The following FLT1 variants were observed in gnomAD, a reference collection of about 807,000 sequenced individuals.
The protein encoded by FLT1 is fms related receptor tyrosine kinase 1.
In FLT1, 49 loss-of-function variants were observed where a neutral mutation model predicts 156.3. The ratio of observed to expected loss-of-function variants is 0.31; its 90% CI spans 0.25 to 0.40. The LOEUF (loss-of-function observed/expected upper bound fraction) is 0.40. Among genes scored for constraint, FLT1 ranks in the 10% least tolerant of loss-of-function variants. The pLI is 1.00. For synonymous variants in FLT1, 594 were observed against 583.8 expected, an observed-to-expected ratio of 1.02 and a Z score of -0.25; for missense variants, 1,322 against 1,637.2, an observed-to-expected ratio of 0.81 and a Z score of 3.32.
Position 28,385,789 on chromosome 13 carries a change from A to G in FLT1, c.1970-758T>C, listed in dbSNP as rs1440438795. On this transcript the variant is annotated intron_variant, in intron 13 of 29. Coordinates refer to ENST00000282397, the MANE Select transcript of FLT1 (RefSeq NM_002019.4). ...AACAAAATGAATTCAATACATTAAG[A>G]TGCAATACATTACAACATTAAAATC... 4.8e-6 allele frequency: 5 copies of G among 1,035,482 alleles called. No homozygotes were observed. The African/African-American group carries it at 8.4e-5, about 17-fold the overall frequency. The allele number at this position is 1,035,482 out of a possible 1,614,324, so 64.1% of individuals were successfully genotyped here. A position where few individuals can be genotyped will look rare whatever the true frequency, so the allele number is the denominator to read the frequency against.
chr13:28,325,077 A>T (rs1871619656), intron 20 of FLT1, among the ~76,000 whole-genome samples: 1 of 152,184 alleles, frequency 6.6e-6, no homozygotes, highest in East Asian at 1.9e-4. Flanking sequence ...AATATGAAAG[A>T]CAGCCATGGA....
chr13:28,348,815 A>T (rs1251350600), intron 15 of FLT1, among the ~76,000 whole-genome samples: 1 of 152,012 alleles, frequency 6.6e-6, no homozygotes, highest in Non-Finnish European at 1.5e-5. Context: ...AGGCTGAGGC[A>T]GGGGAATTGC....
At chr13:28,476,706 C>T (rs655024) in intron 1 of FLT1, among the ~76,000 whole-genome samples, 83,708 of 152,038 alleles carry the variant, frequency 0.55, 25,221 homozygotes, top group African/African-American at 0.81. Flanking sequence ...AAAATAGTCA[C>T]GTATATAGCA....
At chr13:28,435,060 T>G (rs1482379807) in intron 4 of FLT1, among the ~76,000 whole-genome samples, 3 of 152,192 alleles carry the variant, frequency 2.0e-5, no homozygotes, top group Non-Finnish European at 4.4e-5. Context: ...TCCTCCAAGA[T>G]TCATAACATT....
intron 20 of FLT1, among the ~76,000 whole-genome samples, chr13:28,327,087 A>G (rs921776033): frequency 1.3e-5 from 2 of 152,272 alleles, no homozygotes; most frequent in African/African-American, 2.4e-5. Context: ...AATGGAGACA[A>G]TTATATTAAC....
At chr13:28,433,681 CA>C in intron 6 of FLT1, 137 bp downstream of exon 6, 1 of 824,974 alleles carries the variant, frequency 1.2e-6, no homozygotes, top group Non-Finnish European at 2.1e-6. Flanking sequence ...GCACTCAAAC[CA>C]AACCCAAAGC....
intron 17 of FLT1, among the ~76,000 whole-genome samples, chr13:28,336,197 G>C (rs939704831): frequency 2.6e-5 from 4 of 152,146 alleles, no homozygotes; most frequent in African/African-American, 9.7e-5. Flanking sequence ...CAAGTGTTTG[G>C]GACTTTGCTT....
At chr13:28,475,150 A>G (rs1880470816) in intron 1 of FLT1, among the ~76,000 whole-genome samples, 1 of 152,188 alleles carries the variant, frequency 6.6e-6, no homozygotes, top group Admixed American at 6.5e-5. Context: ...AATCTTTTCA[A>G]TTTAATTTAG....
chr13:28,361,409 C>T (rs1873110034), intron 14 of FLT1, among the ~76,000 whole-genome samples: 1 of 151,994 alleles, frequency 6.6e-6, no homozygotes, highest in Non-Finnish European at 1.5e-5. Context: ...ATTTATATAA[C>T]AAATATTTTT....
chr13:28,317,619 A>G, intron 24 of FLT1, 22 bp from the exon 25 acceptor site: 1 of 1,499,076 alleles, frequency 6.7e-7, no homozygotes, highest in Non-Finnish European at 9.3e-7. Context: ...AATGTGGAAA[A>G]CACAGGGCCT....
chr13:28,319,631 C>CT (rs1287355850), intron 23 of FLT1, 97 bp from the exon 24 acceptor site: 1 of 732,000 alleles, frequency 1.4e-6, no homozygotes, highest in East Asian at 2.6e-5. Context: ...AACATACGGC[C>CT]TATAAATCAT....
At chr13:28,448,024 A>G in intron 3 of FLT1, among the ~76,000 whole-genome samples, 1 of 152,202 alleles carries the variant, frequency 6.6e-6, no homozygotes, top group Non-Finnish European at 1.5e-5. Flanking sequence ...TAACATCATA[A>G]GCCATCATGG....
intron 1 of FLT1, among the ~76,000 whole-genome samples, chr13:28,481,207 A>T (rs1593843755): frequency 6.6e-6 from 1 of 152,288 alleles, no homozygotes; most frequent in East Asian, 1.9e-4. Flanking sequence ...AGGAAGGCTC[A>T]TCTCAAGGAA....
Position 28,387,116 on chromosome 13 carries a change from CAA to C in FLT1, c.1970-2087_1970-2086del, listed in dbSNP as rs1874411131. 4 of 1,036,048 alleles carry C rather than the reference CAA, an allele frequency of 3.9e-6. No homozygotes were observed. The South Asian group carries it at 1.8e-4, about 48-fold the overall frequency. The allele number at this position is 1,036,048 out of a possible 1,614,324, so 64.2% of individuals were successfully genotyped here. ...TTAACATAAATGTCATTAAGAATCCCAAAGGCCTTATTTGTACTACACAAACT... is the reference window on the plus strand; with the variant it reads ...TTAACATAAATGTCATTAAGAATCCCAGGCCTTATTTGTACTACACAAACT... On this transcript the variant is annotated intron_variant, in intron 13 of 29. Coordinates refer to ENST00000282397, the MANE Select transcript of FLT1 (RefSeq NM_002019.4).
chr13:28,404,726 T>C (rs972186627), intron 11 of FLT1, among the ~76,000 whole-genome samples: 2 of 152,098 alleles, frequency 1.3e-5, no homozygotes, highest in African/African-American at 4.8e-5. Flanking sequence ...TTTTTCTTTT[T>C]AAAAGAATCA....
chr13:28,312,014 C>G lies in FLT1; in HGVS notation c.3471G>C (p.Leu1157Phe), dbSNP rs573870646. The G allele has an allele frequency of 2.5e-6, 4 of 1,612,634 alleles. No individual in the cohort carries two copies. The highest frequency in any genetic ancestry group is 3.4e-6 in the Non-Finnish European group (4 of 1,179,180). The change falls in exon 26 of 30, where the codon TTG (leucine) becomes TTC (phenylalanine). Residue 1157 changes from leucine (L) to phenylalanine (F), a missense_variant. Leu to Phe is a conservative substitution (Grantham distance 22). Coordinates refer to ENST00000282397, the MANE Select transcript of FLT1 (RefSeq NM_002019.4). Reference protein sequence around the residue: ...FAELVEKLGDLLQANVQQDGK... With the variant: ...FAELVEKLGDFLQANVQQDGK... ...TTACCTGTTGTACATTTGCTTGAAG[C>G]AAATCACCTAGTTTTTCCACAAGTT...
chr13:28,395,834 T>C (rs1243865088), intron 12 of FLT1, among the ~76,000 whole-genome samples: 2 of 152,246 alleles, frequency 1.3e-5, no homozygotes, highest in Non-Finnish European at 2.9e-5. Context: ...AGTTGAACTG[T>C]ACCATTTAAC....
chr13:28,323,884 C>T (rs886423673), intron 20 of FLT1, among the ~76,000 whole-genome samples: 5 of 152,198 alleles, frequency 3.3e-5, no homozygotes, highest in Admixed American at 6.5e-5. Context: ...ATGGACATTG[C>T]TTTTTTTCTC....
At chr13:28,387,741 TTCATACCCCAGGGTA>T in intron 13 of FLT1, 1 of 1,038,998 alleles carries the variant, frequency 9.6e-7, no homozygotes, top group South Asian at 4.7e-5. Context: ...TTCACCTCCC[TTCATACCCCAGGGTA>T]ACATACCCCT....
Sources: gnomAD v4.1 joint callset for allele counts (sites outside exome capture counted in the v4.1 genomes callset) on GRCh38, gnomAD v4.1.1 for gene constraint, MANE v1.5 for transcripts, NCBI Gene and HGNC (gene_info 2026-07-23, HGNC 2026-07-21) for gene names.